SPAG5: variants seen among roughly 807,000 people sequenced by gnomAD.
SPAG5 encodes sperm-associated antigen 5.
SPAG5 carries 99 observed loss-of-function variants against 145.4 expected under a neutral mutation model. The ratio of observed to expected loss-of-function variants is 0.68; its 90% CI spans 0.58 to 0.80. The LOEUF (loss-of-function observed/expected upper bound fraction) is 0.80, where lower values mean the gene tolerates loss of function less well. Ranked by LOEUF, SPAG5 falls within the 30% of genes least tolerant of loss-of-function variation. The pLI is 0.00. For synonymous variants in SPAG5, 477 were observed against 525.4 expected, an observed-to-expected ratio of 0.91 and a Z score of 1.26; for missense variants, 1,192 against 1,416.0, an observed-to-expected ratio of 0.84 and a Z score of 2.54.
intron 15 of SPAG5, among the ~76,000 whole-genome samples, chr17:28,581,141 C>T (rs2070546807): frequency 6.6e-6 from 1 of 152,240 alleles, no homozygotes; most frequent in African/African-American, 2.4e-5. Flanking sequence ...TATTGGAACA[C>T]AGCCAGACCC....
intron 2 of SPAG5, among the ~76,000 whole-genome samples, chr17:28,597,960 G>A (rs911458834): frequency 1.3e-5 from 2 of 152,230 alleles, no homozygotes; most frequent in African/African-American, 4.8e-5. Context: ...TCTTATACAG[G>A]AGTCAAGCTG....
At chr17:28,579,919 A>G in intron 16 of SPAG5, 82 bp from the exon 17 acceptor site, 1 of 1,534,770 alleles carries the variant, frequency 6.5e-7, no homozygotes, top group Non-Finnish European at 9.0e-7. Flanking sequence ...AGGGTAAGAT[A>G]GACAAGCCCG....
At position 28,592,612 on chromosome 17, in the gene SPAG5, G is replaced by C; in HGVS notation, c.632C>G (p.Ser211Cys). Residue 211 changes from serine to cysteine, a missense_variant, in exon 3 of 24, where the codon TCT becomes TGT. Transcript: ENST00000321765. The part of the protein sequence containing the change: ...LLEESPPNPC[S>C]EQLHCSKESL... ...TTCCTTGGAGCAATGTAGTTGTTCA[G>C]AACAGGGATTTGGTGGAGACTCCTC... The C allele has an allele frequency of 3.1e-6, 5 of 1,614,174 alleles. No individual in the cohort carries two copies. Among genetic ancestry groups the C allele is most frequent in the Non-Finnish European group, 4.2e-6 (5 of 1,180,036 alleles).
intron 4 of SPAG5, 110 bp downstream of exon 4, chr17:28,591,588 T>G: frequency 9.7e-7 from 1 of 1,031,894 alleles, no homozygotes; most frequent in Non-Finnish European, 1.4e-6. Flanking sequence ...TTGCAAATGT[T>G]CTAAGTATAA....
intron 2 of SPAG5, among the ~76,000 whole-genome samples, chr17:28,594,874 T>G (rs1211287839): frequency 1.3e-5 from 2 of 151,522 alleles, no homozygotes; most frequent in Non-Finnish European, 2.9e-5. Context: ...GTGGGAGGAC[T>G]GCTAGAGCTC....
In SPAG5 at chr17:28,591,735, T is replaced by C; in HGVS notation, c.1400A>G (p.Gln467Arg). 2 of 1,614,070 alleles carry C rather than the reference T, an allele frequency of 1.2e-6. No homozygotes were observed. Among genetic ancestry groups the C allele is most frequent in the Non-Finnish European group, 1.7e-6 (2 of 1,180,000 alleles). Reference protein sequence around the residue: ...SQLAVPHPETQDSSTQTDTSH... With the variant: ...SQLAVPHPETRDSSTQTDTSH... ...TGTGTCAGTCTGTGTGCTACTGTCCTGGGTTTCTGGGTGAGGGACAGCCAG... is the reference window on the plus strand; with the variant it reads ...TGTGTCAGTCTGTGTGCTACTGTCCCGGGTTTCTGGGTGAGGGACAGCCAG... Residue 467 changes from glutamine (Q) to arginine (R), a missense_variant, in exon 4 of 24, where the codon CAG (glutamine) becomes CGG (arginine). Transcript: ENST00000321765.
chr17:28,584,653 T>C lies in SPAG5; in HGVS notation c.2160A>G (p.Thr720=). Residue 720 remains threonine (T), a splice_region_variant and synonymous_variant, in exon 11 of 24, where the codon ACA becomes ACG. Coordinates refer to ENST00000321765, the MANE Select transcript of SPAG5 (RefSeq NM_006461.4). ...QLELENSRLA[T]DLRAQLQILA... is the part of the protein sequence containing the mutation. ...ATACACACACACACACACAAACACC[T>C]GTTGCTAGACGACTGTTTTCCAACT... 6.2e-7 allele frequency: 1 copy of C among 1,613,332 alleles called. No homozygotes were observed. The highest frequency in any genetic ancestry group is 8.5e-7 in the Non-Finnish European group (1 of 1,179,286).
rs1260995260 is a variant in SPAG5, at chr17:28,598,539, T to A, written c.148A>T (p.Thr50Ser). Residue 50 changes from threonine to serine, a missense_variant, in exon 2 of 24, where the codon ACC becomes TCC. Around this residue, in one of 5 missense-constraint regions of SPAG5, gnomAD observed 329 missense variants for 354.0 expected, o/e 0.93. Coordinates refer to ENST00000321765, the MANE Select transcript of SPAG5 (RefSeq NM_006461.4). ...AGCCCCAGCTTGCACAGTGATGGGGTCAGCGAGGAGCAAGCGGGGGATCTT... is the reference window on the plus strand; with the variant it reads ...AGCCCCAGCTTGCACAGTGATGGGGACAGCGAGGAGCAAGCGGGGGATCTT... Reference protein sequence around the residue: ...GKRSPACSSLTPSLCKLGLQE... With the variant: ...GKRSPACSSLSPSLCKLGLQE... 1.2e-6 allele frequency: 2 copies of A among 1,613,728 alleles called. No individual in the cohort carries two copies. The highest frequency in any genetic ancestry group is 1.7e-5 in the Admixed American group (1 of 59,988).
chr17:28,584,871 A>G, intron 10 of SPAG5, 126 bp from the exon 11 acceptor site: 1 of 825,000 alleles, frequency 1.2e-6, no homozygotes, highest in East Asian at 2.5e-5. Context: ...CATTGCAGAA[A>G]ATAAGGTTGA....
intron 4 of SPAG5, among the ~76,000 whole-genome samples, chr17:28,587,832 A>C (rs1385312626): frequency 1.3e-5 from 2 of 152,094 alleles, no homozygotes; most frequent in Non-Finnish European, 2.9e-5. Flanking sequence ...AGAAAATGGC[A>C]TCTCACTGTT....
intron 2 of SPAG5, among the ~76,000 whole-genome samples, chr17:28,597,826 A>C (rs955867494): frequency 1.3e-5 from 2 of 152,260 alleles, no homozygotes; most frequent in Non-Finnish European, 2.9e-5. Flanking sequence ...GCTTTCTAGA[A>C]GGCAGAGCAA....
chr17:28,598,146 A>C (rs895050755), intron 2 of SPAG5, among the ~76,000 whole-genome samples: 3 of 152,138 alleles, frequency 2.0e-5, no homozygotes, highest in African/African-American at 7.2e-5. Context: ...GAGAGTTCTA[A>C]CTACCTCCTA....
rs769514543 is a variant in SPAG5 at position 28,592,185 on chromosome 17, G to A, written c.1059C>T (p.Ser353=). The A allele has an allele frequency of 8.1e-6, 13 of 1,614,012 alleles. No individual in the cohort carries two copies. The highest frequency in any genetic ancestry group is 2.7e-5 in the African/African-American group (2 of 74,908). The change falls in exon 3 of 24, where the codon TCC becomes TCT. Residue 353 remains serine (S), a synonymous_variant. Coordinates refer to ENST00000321765, the MANE Select transcript of SPAG5 (RefSeq NM_006461.4). ...TTTGGCGGAGATTTTCCAGCATGAC[G>A]GAGGTATTTACACCTTTTTCCAGCC... ...LAWLEKGVNT[S]VMLENLRQSL...
Position 28,585,193 on chromosome 17 carries a change from A to T in SPAG5, c.1976T>A (p.Leu659Gln), listed in dbSNP as rs772047093. ...CTCTGTGAGTTGTCGGGACCGACTC[A>T]GCAAAGCTGTCCATGTTGTATACTA... ...QLDYTTWTAL[L>Q]SRSRQLTEKL... The change falls in exon 10 of 24, where the codon CTG becomes CAG. Residue 659 changes from leucine (L) to glutamine (Q), a missense_variant. This residue lies in a region of SPAG5 where 709 missense variants were observed against 840.7 expected (regional missense o/e 0.84). Coordinates refer to ENST00000321765, the MANE Select transcript of SPAG5 (RefSeq NM_006461.4). The T allele has an allele frequency of 6.2e-7, 1 of 1,614,218 alleles. No homozygotes were observed. Among genetic ancestry groups the T allele is most frequent in the African/African-American group, 1.3e-5 (1 of 75,058 alleles).
intron 4 of SPAG5, among the ~76,000 whole-genome samples, chr17:28,590,241 GT>G (rs1335392667): frequency 6.6e-6 from 1 of 152,028 alleles, no homozygotes; most frequent in African/African-American, 2.4e-5. Flanking sequence ...TCGTGACTCT[GT>G]TTTTTGAGGC....
At chr17:28,594,541 G>A (rs1597599225) in intron 2 of SPAG5, among the ~76,000 whole-genome samples, 1 of 152,176 alleles carries the variant, frequency 6.6e-6, no homozygotes, top group East Asian at 1.9e-4. Context: ...CTTGCAGTGA[G>A]CCAAGATCGT....
intron 15 of SPAG5, among the ~76,000 whole-genome samples, chr17:28,581,564 C>T (rs978954861): frequency 6.0e-5 from 9 of 151,144 alleles, no homozygotes; most frequent in Non-Finnish European, 1.0e-4. Context: ...CCCAAATCCT[C>T]CTCTACTTGT....
rs747846913 is a variant in SPAG5, at chr17:28,578,299, A to G, written c.3355-7T>C. The G allele has an allele frequency of 6.2e-7, 1 of 1,614,104 alleles. No homozygotes were observed. The highest frequency in any genetic ancestry group is 8.5e-7 in the Non-Finnish European group (1 of 1,179,996). Reference sequence around the variant, plus strand: ...TCACTCTCAGTTTGTCCACCTAGAAATATGTCCAGATCAACAGGGGTACAG... The same window carrying G: ...TCACTCTCAGTTTGTCCACCTAGAAGTATGTCCAGATCAACAGGGGTACAG... On this transcript the variant is annotated splice_region_variant and splice_polypyrimidine_tract_variant and intron_variant, in intron 21 of 23. Transcript: ENST00000321765.
In SPAG5 at chr17:28,584,658, C is replaced by T; in HGVS notation, c.2155G>A (p.Ala719Thr). 1 of 1,613,858 alleles carries T rather than the reference C, an allele frequency of 6.2e-7. No individual in the cohort carries two copies. The highest frequency in any genetic ancestry group is 1.1e-5 in the South Asian group (1 of 91,082). ...CACACACACACACAAACACCTGTTG[C>T]TAGACGACTGTTTTCCAACTCCAGT... ...EQLELENSRL[A>T]TDLRAQLQIL... The change falls in exon 11 of 24, where the codon GCA becomes ACA. Residue 719 changes from alanine (A) to threonine (T), a missense_variant. By Grantham distance (58) the Ala-to-Thr change is moderately conservative (BLOSUM62 0). Coordinates refer to ENST00000321765, the MANE Select transcript of SPAG5 (RefSeq NM_006461.4).
Sources: gnomAD v4.1 joint callset for allele counts (sites outside exome capture counted in the v4.1 genomes callset) on GRCh38, gnomAD v4.1.1 for gene constraint, gnomAD v4.1.1 regional missense constraint, MANE v1.5 for transcripts, NCBI Gene and HGNC (gene_info 2026-07-23, HGNC 2026-07-21) for gene names.